Variants in ZSWIM6 observed in about 807,000 individuals in gnomAD.
The protein encoded by ZSWIM6 is zinc finger SWIM domain-containing protein 6.
Under a neutral mutation model 113.2 loss-of-function variants are expected in ZSWIM6, and 9 were observed. The observed-to-expected ratio is 0.08, with a 90% confidence interval of 0.05 to 0.14. The LOEUF (loss-of-function observed/expected upper bound fraction) is 0.14, where lower values mean the gene tolerates loss of function less well. Among genes scored for constraint, ZSWIM6 ranks in the 10% least tolerant of loss-of-function variants. The pLI is 1.00. For synonymous variants in ZSWIM6, 611 were observed against 606.5 expected (o/e 1.01, Z -0.11); for missense variants, 1,162 against 1,552.2 (o/e 0.75, Z 4.22).
intron 1 of ZSWIM6, among the ~76,000 whole-genome samples, chr5:61,401,960 C>T (rs1218986432): frequency 6.6e-6 from 1 of 152,002 alleles, no homozygotes; most frequent in Non-Finnish European, 1.5e-5. Flanking sequence ...ACTTGCATAT[C>T]TGTGTGCTTA....
intron 3 of ZSWIM6, among the ~76,000 whole-genome samples, chr5:61,493,401 C>T (rs149560078): frequency 8.7e-4 from 133 of 152,134 alleles, no homozygotes; most frequent in African/African-American, 3.2e-3. Flanking sequence ...TTGAATTGTA[C>T]GTTTTAAATT....
intron 1 of ZSWIM6, among the ~76,000 whole-genome samples, chr5:61,464,530 G>A (rs548825656): frequency 6.6e-6 from 1 of 152,126 alleles, no homozygotes; most frequent in African/African-American, 2.4e-5. Context: ...TGAGAATTAA[G>A]TGGGTTAGAG....
chr5:61,499,124 AG>A (rs1748395279), intron 4 of ZSWIM6, among the ~76,000 whole-genome samples: 1 of 152,210 alleles, frequency 6.6e-6, no homozygotes, highest in African/African-American at 2.4e-5. Context: ...CCTCTTTGCT[AG>A]TACCATGAAG....
intron 4 of ZSWIM6, among the ~76,000 whole-genome samples, chr5:61,514,866 A>G (rs1250068007): frequency 6.6e-6 from 1 of 152,116 alleles, no homozygotes. Flanking sequence ...TTTTAGTATC[A>G]GGGTAATAAT....
chr5:61,428,698 T>TA (rs1214468979), intron 1 of ZSWIM6, among the ~76,000 whole-genome samples: 1 of 152,186 alleles, frequency 6.6e-6, no homozygotes, highest in Non-Finnish European at 1.5e-5. Flanking sequence ...TTTTAAAAAT[T>TA]ACAGGGATGT....
chr5:61,495,573 C>G (rs1030306938), intron 4 of ZSWIM6, among the ~76,000 whole-genome samples: 10 of 152,040 alleles, frequency 6.6e-5, no homozygotes, highest in Non-Finnish European at 1.5e-4. Context: ...CTGTGAGTCT[C>G]CTGAAATAAT....
chr5:61,397,316 G>C (rs965347616), intron 1 of ZSWIM6, among the ~76,000 whole-genome samples: 1 of 152,096 alleles, frequency 6.6e-6, no homozygotes, highest in Non-Finnish European at 1.5e-5. Flanking sequence ...AAATACATTG[G>C]ATTTACCACT....
intron 2 of ZSWIM6, among the ~76,000 whole-genome samples, chr5:61,476,752 T>C (rs1320705583): frequency 6.6e-6 from 1 of 152,168 alleles, no homozygotes. Context: ...CTTCGTCTTT[T>C]CTGTCCTTTA....
intron 1 of ZSWIM6, among the ~76,000 whole-genome samples, chr5:61,426,584 G>A (rs1477322032): frequency 2.0e-5 from 3 of 151,910 alleles, no homozygotes; most frequent in Admixed American, 2.0e-4. Flanking sequence ...TTTGTCAATT[G>A]ATTGAATAAT....
chr5:61,396,287 A>G (rs1482135514), intron 1 of ZSWIM6, among the ~76,000 whole-genome samples: 1 of 152,104 alleles, frequency 6.6e-6, no homozygotes, highest in East Asian at 1.9e-4. Context: ...TAATCCCAGC[A>G]CTTTGGGAGG....
rs1749115567 is a variant in ZSWIM6, at chr5:61,521,317, C to G, written c.1388C>G (p.Ala463Gly). 1 of 1,520,156 alleles carries G rather than the reference C, an allele frequency of 6.6e-7. No homozygotes were observed. Among genetic ancestry groups the G allele is most frequent in the South Asian group, 1.3e-5 (1 of 79,646 alleles). The allele number at this position is 1,520,156 out of a possible 1,614,324, so 94.2% of individuals were successfully genotyped here. The change falls in exon 5 of 14, where the codon GCC (alanine) becomes GGC (glycine). Residue 463 changes from alanine to glycine, a missense_variant. Ala to Gly is a moderately conservative substitution (Grantham distance 60). Around this residue, in one of 4 missense-constraint regions of ZSWIM6, gnomAD observed 620 missense variants for 804.6 expected, o/e 0.77. Coordinates refer to ENST00000252744, the MANE Select transcript of ZSWIM6 (RefSeq NM_020928.2). ...CCCCACTGCAAGTTGGAGCAAAAGGCCAGTTGGCTAAAACAGCTGAAGAAA... is the reference window on the plus strand; with the variant it reads ...CCCCACTGCAAGTTGGAGCAAAAGGGCAGTTGGCTAAAACAGCTGAAGAAA... The part of the protein sequence containing the change: ...LNPHCKLEQK[A>G]SWLKQLKKWN...
intron 1 of ZSWIM6, among the ~76,000 whole-genome samples, chr5:61,371,408 T>G (rs1745259759): frequency 6.6e-6 from 1 of 152,334 alleles, no homozygotes; most frequent in East Asian, 1.9e-4. Flanking sequence ...AAAAGTTTAT[T>G]GGGTAATGAT....
intron 4 of ZSWIM6, among the ~76,000 whole-genome samples, chr5:61,511,186 C>T (rs1387864072): frequency 2.0e-5 from 3 of 152,064 alleles, no homozygotes; most frequent in Admixed American, 2.0e-4. Context: ...AGGATGAAAC[C>T]TCTCTTTAGG....
At chr5:61,483,500 C>T (rs1280191127) in intron 2 of ZSWIM6, among the ~76,000 whole-genome samples, 3 of 152,012 alleles carry the variant, frequency 2.0e-5, no homozygotes, top group African/African-American at 7.3e-5. Context: ...TCCACTTGAA[C>T]CAAAATCTGT....
chr5:61,540,114 G>T (rs1749689352), intron 12 of ZSWIM6, among the ~76,000 whole-genome samples: 1 of 152,218 alleles, frequency 6.6e-6, no homozygotes, highest in African/African-American at 2.4e-5. Context: ...TGAAGATTCA[G>T]TTGTTAGGGT....
chr5:61,518,901 C>A (rs1749036041), intron 4 of ZSWIM6, among the ~76,000 whole-genome samples: 1 of 151,868 alleles, frequency 6.6e-6, no homozygotes, highest in Non-Finnish European at 1.5e-5. Context: ...AGGTTTTCTT[C>A]TAGGGTTTTT....
intron 1 of ZSWIM6, among the ~76,000 whole-genome samples, chr5:61,333,226 C>G (rs911088050): frequency 3.3e-5 from 5 of 151,940 alleles, no homozygotes; most frequent in East Asian, 2.0e-4. Flanking sequence ...GCTCCCCTAC[C>G]CGCCCTCCTC....
chr5:61,335,766 A>AG (rs2112019257), intron 1 of ZSWIM6, among the ~76,000 whole-genome samples: 1 of 152,338 alleles, frequency 6.6e-6, no homozygotes, highest in African/African-American at 2.4e-5. Context: ...TGCTGTTGAT[A>AG]GTTTAAGGAT....
intron 4 of ZSWIM6, among the ~76,000 whole-genome samples, chr5:61,505,285 A>G (rs1046588672): frequency 6.6e-6 from 1 of 152,170 alleles, no homozygotes; most frequent in Non-Finnish European, 1.5e-5. Flanking sequence ...TTGTATCTCA[A>G]AATAAGAAAG....
Sources: allele counts gnomAD v4.1 joint callset (sites outside exome capture counted in the v4.1 genomes callset), GRCh38; gene constraint gnomAD v4.1.1; regional missense constraint gnomAD v4.1.1; transcripts MANE v1.5; gene names NCBI Gene and HGNC (gene_info 2026-07-23, HGNC 2026-07-21).